Variants in ARNT2 observed in about 807,000 individuals in gnomAD.
ARNT2 encodes aryl hydrocarbon receptor nuclear translocator 2.
Under a neutral mutation model 91.7 loss-of-function variants are expected in ARNT2, and 36 were observed. That is an observed-to-expected ratio of 0.39 (90% confidence interval 0.30 to 0.52). The LOEUF (loss-of-function observed/expected upper bound fraction) is 0.52. ARNT2 is among the 20% of genes least tolerant of loss of function. The probability of loss-of-function intolerance (pLI) is 0.72; values close to 1 mark genes in which losing one functional copy is unlikely to be tolerated. For missense variants in ARNT2, 775 were observed against 939.3 expected, an observed-to-expected ratio of 0.83 and a Z score of 2.29; for synonymous variants, 365 against 347.1, an observed-to-expected ratio of 1.05 and a Z score of -0.57.
intron 1 of ARNT2, among the ~76,000 whole-genome samples, chr15:80,408,592 G>A (rs1361226795): frequency 6.6e-6 from 1 of 152,230 alleles, no homozygotes; most frequent in African/African-American, 2.4e-5. Flanking sequence ...ATGTGGGTAG[G>A]TTTTGAGCCT....
chr15:80,417,568 TC>T (rs1895805030), intron 1 of ARNT2, among the ~76,000 whole-genome samples: 1 of 148,256 alleles, frequency 6.7e-6, no homozygotes, highest in Admixed American at 6.7e-5. Flanking sequence ...CTTTTCTCCT[TC>T]TCCCCTCCCT....
At chr15:80,414,487 C>T (rs960383227) in intron 1 of ARNT2, among the ~76,000 whole-genome samples, 1 of 152,156 alleles carries the variant, frequency 6.6e-6, no homozygotes, top group African/African-American at 2.4e-5. Context: ...CCCTTTAAAA[C>T]ATGTCAAGAA....
At chr15:80,540,381 A>G (rs1304688944) in intron 8 of ARNT2, among the ~76,000 whole-genome samples, 4 of 152,058 alleles carry the variant, frequency 2.6e-5, no homozygotes, top group Non-Finnish European at 5.9e-5. Flanking sequence ...CTCACTGTGG[A>G]ATTGATTTCT....
At chr15:80,492,794 C>T (rs1897075582) in intron 5 of ARNT2, among the ~76,000 whole-genome samples, 1 of 152,186 alleles carries the variant, frequency 6.6e-6, no homozygotes, top group African/African-American at 2.4e-5. Context: ...TTATTGCCTC[C>T]ATTTGGGTAT....
At chr15:80,494,092 T>C (rs1344549323) in intron 5 of ARNT2, among the ~76,000 whole-genome samples, 1 of 152,194 alleles carries the variant, frequency 6.6e-6, no homozygotes, top group Non-Finnish European at 1.5e-5. Context: ...AATAAACTTC[T>C]TTTCTTTGCA....
intron 8 of ARNT2, among the ~76,000 whole-genome samples, chr15:80,521,136 A>T (rs1335608622): frequency 6.6e-6 from 1 of 152,182 alleles, no homozygotes; most frequent in Non-Finnish European, 1.5e-5. Flanking sequence ...ACTGAGATAG[A>T]CAATTCTGAT....
intron 8 of ARNT2, among the ~76,000 whole-genome samples, chr15:80,539,744 A>C (rs1015923668): frequency 6.6e-6 from 1 of 152,088 alleles, no homozygotes; most frequent in Non-Finnish European, 1.5e-5. Flanking sequence ...TGGCCAAAAA[A>C]TGTATGAACA....
chr15:80,444,474 G>A (rs1896256010), intron 1 of ARNT2: 1 of 152,348 alleles, frequency 6.6e-6, no homozygotes, highest in Non-Finnish European at 1.5e-5. Context: ...AGTGGTTTGT[G>A]TGGTGAGATT....
chr15:80,448,910 G>A (rs998516985), intron 1 of ARNT2, among the ~76,000 whole-genome samples: 34 of 152,148 alleles, frequency 2.2e-4, no homozygotes, highest in African/African-American at 4.3e-4. Context: ...GCGTGAACCC[G>A]GGAGGTGGAG....
intron 17 of ARNT2, among the ~76,000 whole-genome samples, chr15:80,584,551 G>A (rs1171060947): frequency 6.6e-6 from 1 of 152,020 alleles, no homozygotes; most frequent in African/African-American, 2.4e-5. Context: ...GGTAAGAATC[G>A]GTGAGTGGAG....
intron 1 of ARNT2, among the ~76,000 whole-genome samples, chr15:80,413,089 TTAACTGCTGTTAGGG>T (rs1895711125): frequency 6.6e-6 from 1 of 152,248 alleles, no homozygotes; most frequent in Non-Finnish European, 1.5e-5. Context: ...GGCTTTTTAA[TTAACTGCTGTTAGGG>T]TAATTGGTCC....
At chr15:80,417,578 C>T (rs1311111794) in intron 1 of ARNT2, among the ~76,000 whole-genome samples, 6 of 151,514 alleles carry the variant, frequency 4.0e-5, no homozygotes, top group Non-Finnish European at 5.9e-5. Flanking sequence ...TCTCCCCTCC[C>T]TTCCTCCCTC....
At chr15:80,447,638 G>T (rs1229849218) in intron 1 of ARNT2, among the ~76,000 whole-genome samples, 1 of 152,198 alleles carries the variant, frequency 6.6e-6, no homozygotes, top group East Asian at 1.9e-4. Flanking sequence ...ACAGAGAAAA[G>T]ATGCCAGATT....
intron 17 of ARNT2, among the ~76,000 whole-genome samples, chr15:80,584,823 G>T (rs865987220): frequency 6.6e-6 from 1 of 152,186 alleles, no homozygotes. Context: ...GAGATAATGC[G>T]GTTGATCCCA....
At chr15:80,511,041 A>T (rs965499930) in intron 6 of ARNT2, among the ~76,000 whole-genome samples, 1 of 152,102 alleles carries the variant, frequency 6.6e-6, no homozygotes. Flanking sequence ...TACCCAAAGA[A>T]CTATAAATCA....
intron 15 of ARNT2, among the ~76,000 whole-genome samples, chr15:80,577,613 C>G (rs1210251040): frequency 6.6e-6 from 1 of 152,224 alleles, no homozygotes; most frequent in African/African-American, 2.4e-5. Context: ...GCCCACCAGA[C>G]ACCCTAAAGT....
In ARNT2 at chr15:80,473,425, A is replaced by T. The variant is rs143699941; in HGVS notation, c.409-1585A>T. ...GACAAAAATGTGAATTCATGAGTAA[A>T]GTCATTCAGTCTCCACTTCCTCTCC... On this transcript the variant is annotated intron_variant, in intron 4 of 18. Coordinates refer to ENST00000303329, the MANE Select transcript of ARNT2 (RefSeq NM_014862.4). 2.8e-3 allele frequency among the ~76,000 whole-genome samples: 427 copies of T among 152,256 alleles called. 2 individuals are homozygous for T. Among genetic ancestry groups the T allele is most frequent in the African/African-American group, 9.9e-3 (411 of 41,548 alleles).
chr15:80,571,019 C>T (rs1402184335), intron 12 of ARNT2, among the ~76,000 whole-genome samples: 2 of 152,158 alleles, frequency 1.3e-5, no homozygotes, highest in Non-Finnish European at 2.9e-5. Context: ...GAGGAAATGG[C>T]GTTCAGATCA....
chr15:80,461,432 A>G (rs1214104684), intron 3 of ARNT2, among the ~76,000 whole-genome samples: 2 of 152,216 alleles, frequency 1.3e-5, no homozygotes, highest in African/African-American at 4.8e-5. Flanking sequence ...AAGAGAATGG[A>G]GGAGGCCGGG....
Sources: allele counts gnomAD v4.1 joint callset (sites outside exome capture counted in the v4.1 genomes callset), GRCh38; gene constraint gnomAD v4.1.1; transcripts MANE v1.5; gene names NCBI Gene and HGNC (gene_info 2026-07-23, HGNC 2026-07-21).